Variants in CRCP observed in about 807,000 individuals in gnomAD.
The protein encoded by CRCP is CGRP receptor component.
In CRCP, 18 loss-of-function variants were observed where a neutral mutation model predicts 18.5. The ratio of observed to expected loss-of-function variants is 0.97; its 90% CI spans 0.67 to 1.44. CRCP has a LOEUF of 1.44. CRCP is among the 40% of genes most tolerant of loss of function. The probability of loss-of-function intolerance (pLI) is 0.00; values close to 1 mark genes in which losing one functional copy is unlikely to be tolerated. For synonymous variants in CRCP, 53 were observed against 62.9 expected (o/e 0.84, Z 0.75); for missense variants, 130 against 176.4 (o/e 0.74, Z 1.49).
intron 1 of CRCP, among the ~76,000 whole-genome samples, chr7:66,117,202 A>T (rs1011431886): frequency 2.0e-5 from 3 of 151,372 alleles, no homozygotes; most frequent in African/African-American, 7.3e-5. Context: ...TTGATCTCTC[A>T]GCAGTGGTTA....
At chr7:66,134,461 C>G in intron 4 of CRCP, 87 bp downstream of exon 4, 1 of 935,080 alleles carries the variant, frequency 1.1e-6, no homozygotes, top group Non-Finnish European at 1.7e-6. Context: ...TGATATTCGG[C>G]TGGGTTTGGA....
At chr7:66,139,512 G>A (rs1477989092) in intron 4 of CRCP, among the ~76,000 whole-genome samples, 2 of 152,170 alleles carry the variant, frequency 1.3e-5, no homozygotes. Context: ...TTTCGTGGTC[G>A]AGGTAATTGT....
intron 5 of CRCP, 82 bp downstream of exon 5, chr7:66,145,582 G>GTT (rs573214934): frequency 3.8e-5 from 56 of 1,475,920 alleles, no homozygotes; most frequent in Non-Finnish European, 4.8e-5. Context: ...CAGGAACTGC[G>GTT]TTTTTTTTAA....
chr7:66,142,778 T>C (rs1788178735), intron 4 of CRCP, among the ~76,000 whole-genome samples: 1 of 152,210 alleles, frequency 6.6e-6, no homozygotes, highest in South Asian at 2.1e-4. Flanking sequence ...ATTACAGATG[T>C]GAGCCACCGT....
At chr7:66,124,584 C>G in intron 1 of CRCP, among the ~76,000 whole-genome samples, 1 of 142,986 alleles carries the variant, frequency 7.0e-6, no homozygotes, top group Admixed American at 7.1e-5. Flanking sequence ...ATTAGAGACA[C>G]TTGAGCCCAG....
chr7:66,140,303 T>A (rs1158179916), intron 4 of CRCP, among the ~76,000 whole-genome samples: 1 of 152,214 alleles, frequency 6.6e-6, no homozygotes, highest in East Asian at 1.9e-4. Context: ...GTTCTCAGGT[T>A]TTGTTTCCCT....
chr7:66,136,278 T>G (rs1399185729), intron 4 of CRCP, among the ~76,000 whole-genome samples: 1 of 152,114 alleles, frequency 6.6e-6, no homozygotes, highest in East Asian at 1.9e-4. Context: ...GAGTTCATGC[T>G]GGAGTGCAAT....
intron 1 of CRCP, among the ~76,000 whole-genome samples, chr7:66,115,877 T>C (rs1787245532): frequency 6.6e-6 from 1 of 152,206 alleles, no homozygotes; most frequent in Non-Finnish European, 1.5e-5. Flanking sequence ...CATGGTTCAC[T>C]GCAGCCTCAC....
intron 1 of CRCP, among the ~76,000 whole-genome samples, chr7:66,118,824 G>C (rs552239784): frequency 6.6e-6 from 1 of 152,210 alleles, no homozygotes; most frequent in East Asian, 1.9e-4. Context: ...TAAAGTATTT[G>C]TCCTTTGTCC....
intron 4 of CRCP, 50 bp downstream of exon 4, chr7:66,134,424 G>A: frequency 7.9e-7 from 1 of 1,267,088 alleles, no homozygotes; most frequent in Non-Finnish European, 1.1e-6. Flanking sequence ...TGAAATGATA[G>A]TTGCTACATT....
intron 1 of CRCP, among the ~76,000 whole-genome samples, chr7:66,122,303 T>A (rs1308758352): frequency 7.6e-6 from 1 of 132,430 alleles, no homozygotes; most frequent in Non-Finnish European, 1.5e-5. Flanking sequence ...TGAACCCGGG[T>A]GGCGGAGTTT....
At chr7:66,125,910 G>A (rs1033089457) in intron 1 of CRCP, among the ~76,000 whole-genome samples, 7 of 149,314 alleles carry the variant, frequency 4.7e-5, no homozygotes, top group African/African-American at 1.7e-4. Context: ...TCAATTTCAA[G>A]CAAAGATAGG....
At chr7:66,146,445 T>C (rs1426026235) in intron 5 of CRCP, among the ~76,000 whole-genome samples, 1 of 148,010 alleles carries the variant, frequency 6.8e-6, no homozygotes, top group Non-Finnish European at 1.5e-5. Context: ...AATTGCCAGT[T>C]TAAAAAAAAA....
chr7:66,115,039 C>A, intron 1 of CRCP, 69 bp downstream of exon 1: 1 of 1,573,828 alleles, frequency 6.4e-7, no homozygotes. Flanking sequence ...GAGCTGAGAG[C>A]CGAGAGCCGT....
intron 2 of CRCP, chr7:66,130,305 C>T (rs1787759635): frequency 9.8e-6 from 2 of 204,262 alleles, no homozygotes; most frequent in African/African-American, 2.4e-5. Context: ...GGGGTTTCAC[C>T]GTGTTAGCCA....
intron 1 of CRCP, among the ~76,000 whole-genome samples, chr7:66,127,157 AGAGTGGATCGATT>A (rs1389021250): frequency 6.6e-6 from 1 of 152,238 alleles, no homozygotes; most frequent in African/African-American, 2.4e-5. Flanking sequence ...ATGCTATTGT[AGAGTGGATCGATT>A]GTGATTTAAT....
chr7:66,132,004 G>T (rs146465001), intron 3 of CRCP, among the ~76,000 whole-genome samples: 305 of 11,836 alleles, frequency 0.026, 1 homozygote, highest in Non-Finnish European at 0.036. Flanking sequence ...CATGTGATCC[G>T]CCCACCTCTG....
At chr7:66,117,850 C>G (rs1440301675) in intron 1 of CRCP, among the ~76,000 whole-genome samples, 1 of 152,240 alleles carries the variant, frequency 6.6e-6, no homozygotes, top group African/African-American at 2.4e-5. Context: ...CAGACACACA[C>G]TTTCCACTGA....
At position 66,117,556 on chromosome 7, in the gene CRCP, A is replaced by G. The variant is rs144231277; in HGVS notation, c.8+2586A>G. 4.7e-4 allele frequency among the ~76,000 whole-genome samples: 72 copies of G among 152,292 alleles called. 1 individual carries two copies. The highest frequency in any genetic ancestry group is 1.6e-3 in the African/African-American group (68 of 41,562). On this transcript the variant is annotated intron_variant, in intron 1 of 5. Coordinates refer to ENST00000395326, the MANE Select transcript of CRCP (RefSeq NM_014478.5). Reference sequence around the variant, plus strand: ...CCACCCTAGAATATATTTTGAATGCAGTTACTTTTCACCATCTCCAATGTT... The same window carrying G: ...CCACCCTAGAATATATTTTGAATGCGGTTACTTTTCACCATCTCCAATGTT...
Sources: allele counts gnomAD v4.1 joint callset (sites outside exome capture counted in the v4.1 genomes callset), GRCh38; gene constraint gnomAD v4.1.1; transcripts MANE v1.5; gene names NCBI Gene and HGNC (gene_info 2026-07-23, HGNC 2026-07-21).